The following PCCB variants were observed in gnomAD, a reference collection of about 807,000 sequenced individuals.
PCCB encodes the protein propionyl-CoA carboxylase subunit beta, also known as propionyl-CoA carboxylase beta chain, mitochondrial.
PCCB carries 43 observed loss-of-function variants against 60.7 expected under a neutral mutation model. The observed-to-expected ratio is 0.71, with a 90% CI of 0.55 to 0.91. PCCB has a LOEUF of 0.91. Among genes scored for constraint, PCCB ranks in the 40% least tolerant of loss-of-function variants. The pLI is 0.00. For missense variants in PCCB, 766 were observed against 702.8 expected, an observed-to-expected ratio of 1.09 and a Z score of -1.02; for synonymous variants, 276 against 255.9, an observed-to-expected ratio of 1.08 and a Z score of -0.75.
intron 5 of PCCB, among the ~76,000 whole-genome samples, chr3:136,266,310 G>C (rs1252806226): frequency 1.3e-5 from 2 of 151,920 alleles, no homozygotes; most frequent in Non-Finnish European, 2.9e-5. Context: ...GGTATTTTTA[G>C]TGGAGACAGG....
At chr3:136,251,982 A>G (rs541836425) in intron 1 of PCCB, among the ~76,000 whole-genome samples, 1 of 151,906 alleles carries the variant, frequency 6.6e-6, no homozygotes, top group African/African-American at 2.4e-5. Context: ...GGTTCAAGCT[A>G]TTCTCCTGCC....
chr3:136,269,963 C>T (rs558990866), intron 5 of PCCB, among the ~76,000 whole-genome samples: 1 of 147,254 alleles, frequency 6.8e-6, no homozygotes, highest in South Asian at 2.1e-4. Flanking sequence ...ATTCATTCTT[C>T]ACCATTAAGC....
Position 136,301,062 on chromosome 3 carries a change from TC to T in PCCB, c.920del (p.Pro307LeufsTer41). 6.2e-7 allele frequency: 1 copy of T among 1,614,142 alleles called. No individual in the cohort carries two copies. Among genetic ancestry groups the T allele is most frequent in the Non-Finnish European group, 8.5e-7 (1 of 1,179,990 alleles). Reference sequence around the variant, plus strand: ...CTGGTTCCTGAGCTTGACACAATTGTCCCTTTGGAATCAACCAAAGCCTACA... The same window carrying T: ...CTGGTTCCTGAGCTTGACACAATTGTCCTTTGGAATCAACCAAAGCCTACA... ...DRLVPELDTI[V>X]PLESTKAYNM... On this transcript the variant is annotated frameshift_variant, in exon 9 of 15. Transcript: ENST00000251654. LOFTEE classifies it high-confidence loss of function.
At chr3:136,261,171 A>G (rs188598271) in intron 4 of PCCB, among the ~76,000 whole-genome samples, 4 of 152,342 alleles carry the variant, frequency 2.6e-5, no homozygotes, top group African/African-American at 9.6e-5. Context: ...TAGAAGGTAA[A>G]GAACAGTGCG....
At chr3:136,262,927 G>A (rs937787071) in intron 5 of PCCB, among the ~76,000 whole-genome samples, 8 of 150,200 alleles carry the variant, frequency 5.3e-5, no homozygotes, top group Non-Finnish European at 1.2e-4. Context: ...TCATCTAGTT[G>A]AATACATCTT....
chr3:136,285,088 CAAAAA>C lies in PCCB; in HGVS notation c.654+1157_654+1161del, dbSNP rs61543332. On this transcript the variant is annotated intron_variant, in intron 6 of 14. Transcript: ENST00000251654. The stretch of plus-strand genomic sequence containing the variant: ...TGGGTGACAGAGGAAGACCCTGCCT[CAAAAA>C]AAAAAAAAAAAAAAAGGTAAGATGA... Among the ~76,000 whole-genome samples, 487 of 107,118 alleles carry C rather than the reference CAAAAA, an allele frequency of 4.5e-3. 10 individuals are homozygous for C. The highest frequency in any genetic ancestry group is 0.042 in the Admixed American group (440 of 10,502). The allele number at this position is 107,118 out of a possible 152,430, so 70.3% of individuals were successfully genotyped here.
intron 7 of PCCB, among the ~76,000 whole-genome samples, chr3:136,296,243 A>G (rs1017716570): frequency 2.0e-5 from 3 of 152,206 alleles, no homozygotes; most frequent in African/African-American, 4.8e-5. Flanking sequence ...CCCTGTGCCC[A>G]TTAGCAGTCA....
At chr3:136,267,468 A>G (rs1942035320) in intron 5 of PCCB, among the ~76,000 whole-genome samples, 1 of 151,970 alleles carries the variant, frequency 6.6e-6, no homozygotes, top group South Asian at 2.1e-4. Context: ...AGGGATTACA[A>G]GCCACTGCCC....
intron 5 of PCCB, among the ~76,000 whole-genome samples, chr3:136,264,999 G>T (rs926455644): frequency 2.6e-5 from 4 of 151,600 alleles, no homozygotes; most frequent in African/African-American, 9.7e-5. Flanking sequence ...TTCAAGACCA[G>T]CCTGGCCAAG....
intron 10 of PCCB, among the ~76,000 whole-genome samples, chr3:136,321,507 TG>T (rs1272568317): frequency 1.3e-5 from 2 of 152,192 alleles, no homozygotes; most frequent in Non-Finnish European, 2.9e-5. Context: ...GTTCTTCACA[TG>T]GCAGCAGGAG....
intron 6 of PCCB, among the ~76,000 whole-genome samples, chr3:136,289,998 A>T (rs1576331690): frequency 1.3e-5 from 2 of 152,208 alleles, no homozygotes; most frequent in African/African-American, 4.8e-5. Flanking sequence ...CAAAAGGCTG[A>T]GAAGCGATGT....
At chr3:136,259,082 T>A in intron 3 of PCCB, 1 of 1,227,134 alleles carries the variant, frequency 8.1e-7, no homozygotes, top group Non-Finnish European at 1.0e-6. Flanking sequence ...ATGCCCACAA[T>A]AAGCCCTTTA....
In PCCB at chr3:136,297,705, TAAAG is replaced by T. The variant is rs568796284; in HGVS notation, c.764-242_764-239del. On this transcript the variant is annotated intron_variant, in intron 7 of 14. Coordinates refer to ENST00000251654, the MANE Select transcript of PCCB (RefSeq NM_000532.5). ...GGTGACATTAGAGCAAGGACCTGAA[TAAAG>T]AAAGGTGTGACCCCTGTAGAGGTGT... Among the ~76,000 whole-genome samples the T allele has an allele frequency of 1.1e-4, 16 of 152,164 alleles. No individual in the cohort carries two copies. The East Asian group carries it at 2.7e-3, about 26-fold the overall frequency.
At chr3:136,280,446 A>T (rs1474972913) in intron 5 of PCCB, among the ~76,000 whole-genome samples, 1 of 152,076 alleles carries the variant, frequency 6.6e-6, no homozygotes. Flanking sequence ...GCCAGGCTCA[A>T]ATGATTCTCC....
At chr3:136,313,440 C>T (rs1193511222) in intron 9 of PCCB, among the ~76,000 whole-genome samples, 1 of 151,982 alleles carries the variant, frequency 6.6e-6, no homozygotes, top group Non-Finnish European at 1.5e-5. Context: ...GAAGTGATTC[C>T]CAGGACATAT....
chr3:136,298,375 A>G lies in PCCB; in HGVS notation c.884+303A>G, dbSNP rs559062232. Among the ~76,000 whole-genome samples, 5 of 152,206 alleles carry G rather than the reference A, an allele frequency of 3.3e-5. No individual in the cohort carries two copies. The East Asian group carries it at 5.8e-4, about 18-fold the overall frequency. On this transcript the variant is annotated intron_variant, in intron 8 of 14. Coordinates refer to ENST00000251654, the MANE Select transcript of PCCB (RefSeq NM_000532.5). The stretch of plus-strand genomic sequence containing the variant: ...CAAGTTATCTAGAATTAGAGATTCA[A>G]GTTTTTTTTGGTCTGGCCTAGTCCC...
intron 5 of PCCB, among the ~76,000 whole-genome samples, chr3:136,269,881 GT>G (rs1942141795): frequency 9.2e-6 from 1 of 108,352 alleles, no homozygotes; most frequent in African/African-American, 3.6e-5. Context: ...GTGAGACTCT[GT>G]CTCAAAAAAA....
Position 136,306,851 on chromosome 3 carries a change from GAAATA to G in PCCB, c.966+5747_966+5751del, listed in dbSNP as rs1934465737. On this transcript the variant is annotated intron_variant, in intron 9 of 14. Transcript: ENST00000251654. The stretch of plus-strand genomic sequence containing the variant: ...AACTGTAATCCAAGAAAATAGTCCA[GAAATA>G]AAATAAGATTCAGATTTATATAATG... Among the ~76,000 whole-genome samples the G allele has an allele frequency of 1.6e-5, 2 of 122,446 alleles. 1 individual carries two copies. The highest frequency in any genetic ancestry group is 6.3e-4 in the South Asian group (2 of 3,180). The allele number at this position is 122,446 out of a possible 152,430, so 80.3% of individuals were successfully genotyped here. A position where few individuals can be genotyped will look rare whatever the true frequency, so the allele number is the denominator to read the frequency against.
At chr3:136,317,845 C>G (rs1035064504) in intron 10 of PCCB, among the ~76,000 whole-genome samples, 1 of 152,192 alleles carries the variant, frequency 6.6e-6, no homozygotes, top group Non-Finnish European at 1.5e-5. Flanking sequence ...AGACCTGATT[C>G]GCAGCCAAGT....
Sources: gnomAD v4.1 joint callset for allele counts (sites outside exome capture counted in the v4.1 genomes callset) on GRCh38, gnomAD v4.1.1 for gene constraint, MANE v1.5 for transcripts, NCBI Gene and HGNC (gene_info 2026-07-23, HGNC 2026-07-21) for gene names.